Variants in DUSP26 observed in about 807,000 individuals in gnomAD.
The protein encoded by DUSP26 is dual specificity protein phosphatase 26.
A neutral mutation model predicts 20.0 loss-of-function variants in DUSP26; 12 were observed. That is an observed-to-expected ratio of 0.60 (90% CI 0.38 to 0.97). The LOEUF (loss-of-function observed/expected upper bound fraction) is 0.97, where lower values mean the gene tolerates loss of function less well. DUSP26 is among the 50% of genes least tolerant of loss of function. DUSP26 has a pLI of 0.00. For synonymous variants in DUSP26, 120 were observed against 118.8 expected, an observed-to-expected ratio of 1.01 and a Z score of -0.06; for missense variants, 230 against 294.0, an observed-to-expected ratio of 0.78 and a Z score of 1.59.
intron 2 of DUSP26, among the ~76,000 whole-genome samples, chr8:33,595,940 C>CAGGG (rs1554536804): frequency 6.6e-6 from 1 of 152,140 alleles, no homozygotes; most frequent in Non-Finnish European, 1.5e-5. Context: ...GAGAGTGATA[C>CAGGG]CTATCTCACA....
chr8:33,599,475 C>T (rs1209450260), intron 1 of DUSP26, among the ~76,000 whole-genome samples, 190 bp downstream of exon 1: 1 of 152,154 alleles, frequency 6.6e-6, no homozygotes, highest in Non-Finnish European at 1.5e-5. Context: ...ATGGCTGTCG[C>T]CCCAGTCCTC....
chr8:33,595,976 T>A (rs1419919097), intron 2 of DUSP26, among the ~76,000 whole-genome samples: 1 of 152,070 alleles, frequency 6.6e-6, no homozygotes, highest in African/African-American at 2.4e-5. Flanking sequence ...TTAAGAGAGA[T>A]AATGTGTGTG....
intron 3 of DUSP26, among the ~76,000 whole-genome samples, chr8:33,593,331 C>T (rs1811066245): frequency 6.6e-6 from 1 of 152,112 alleles, no homozygotes; most frequent in Non-Finnish European, 1.5e-5. Flanking sequence ...TGTAACTTGC[C>T]ACTCTTAACA....
Position 33,592,011 on chromosome 8 carries a change from C to T in DUSP26, c.*2G>A. The T allele has an allele frequency of 6.2e-7, 1 of 1,613,194 alleles. No individual in the cohort carries two copies. Among genetic ancestry groups the T allele is most frequent in the Non-Finnish European group, 8.5e-7 (1 of 1,180,000 alleles). ...CCTGGCCTGACCTCTCTCCCCCTCCCCTCATGCTTCCAGACCCTGCCGCAG... is the reference window on the plus strand; with the variant it reads ...CCTGGCCTGACCTCTCTCCCCCTCCTCTCATGCTTCCAGACCCTGCCGCAG... On this transcript the variant is annotated 3_prime_UTR_variant, in exon 4 of 4. Coordinates refer to ENST00000256261, the MANE Select transcript of DUSP26 (RefSeq NM_024025.3).
At chr8:33,598,584 C>T (rs112021335) in intron 1 of DUSP26, among the ~76,000 whole-genome samples, 5 of 152,030 alleles carry the variant, frequency 3.3e-5, no homozygotes, top group African/African-American at 1.2e-4. Flanking sequence ...CTTAGAATTA[C>T]CAACCGTATG....
intron 1 of DUSP26, among the ~76,000 whole-genome samples, chr8:33,599,437 C>T (rs1163619475): frequency 6.6e-6 from 1 of 152,206 alleles, no homozygotes; most frequent in African/African-American, 2.4e-5. Flanking sequence ...TCCCTCCCTC[C>T]GCCTGCGGTC....
rs1400045435 is a variant in DUSP26, at chr8:33,597,548, G to A, written c.-33C>T. ...GTGGCAGAAACCGTGGCAGCTGCAGGAGTGGCTGTGGTGATGATGGGTTCA... is the reference window on the plus strand; with the variant it reads ...GTGGCAGAAACCGTGGCAGCTGCAGAAGTGGCTGTGGTGATGATGGGTTCA... On this transcript the variant is annotated 5_prime_UTR_variant, in exon 2 of 4. Transcript: ENST00000256261. 4 of 1,574,026 alleles carry A rather than the reference G, an allele frequency of 2.5e-6. No individual in the cohort carries two copies. In the South Asian group the frequency reaches 3.6e-5, roughly 14 times the overall value.
At chr8:33,597,613 G>A (rs1299074501) in intron 1 of DUSP26, 22 bp from the exon 2 acceptor site, 50 of 1,066,966 alleles carry the variant, frequency 4.7e-5, no homozygotes, top group African/African-American at 6.3e-5. Flanking sequence ...AGGGGTGTGA[G>A]ACACACTTGA....
At chr8:33,595,944 T>A (rs921330723) in intron 2 of DUSP26, among the ~76,000 whole-genome samples, 1 of 152,092 alleles carries the variant, frequency 6.6e-6, no homozygotes, top group African/African-American at 2.4e-5. Context: ...GTGATACCTA[T>A]CTCACAGGGC....
chr8:33,592,016 T>C lies in DUSP26; in HGVS notation c.633A>G (p.Ala211=), dbSNP rs773834151. The C allele has an allele frequency of 2.5e-6, 4 of 1,613,338 alleles. No individual in the cohort carries two copies. The highest frequency in any genetic ancestry group is 2.5e-6 in the Non-Finnish European group (3 of 1,179,978). The change falls in exon 4 of 4, where the codon GCA becomes GCG. Residue 211 remains alanine, a synonymous_variant. Coordinates refer to ENST00000256261, the MANE Select transcript of DUSP26 (RefSeq NM_024025.3). ...CCTGACCTCTCTCCCCCTCCCCTCA[T>C]GCTTCCAGACCCTGCCGCAGCCTGC... ...LDRRLRQGLE[A] is the part of the protein sequence containing the mutation.
chr8:33,592,202 C>T lies in DUSP26; in HGVS notation c.447G>A (p.Leu149=). 6.2e-7 allele frequency: 1 copy of T among 1,608,094 alleles called. No individual in the cohort carries two copies. The change falls in exon 4 of 4, where the codon CTG becomes CTA. Residue 149 remains leucine (L), a synonymous_variant. Coordinates refer to ENST00000256261, the MANE Select transcript of DUSP26 (RefSeq NM_024025.3). ...RALSQPGGKI[L]VHCAVGVSRS... ...GGCTCACGCCCACAGCACAATGCAC[C>T]AGGATCTTCCCTGAGAGGAGAGACA...
At chr8:33,599,262 C>T (rs1165275518) in intron 1 of DUSP26, among the ~76,000 whole-genome samples, 1 of 152,152 alleles carries the variant, frequency 6.6e-6, no homozygotes, top group African/African-American at 2.4e-5. Context: ...CTGCTGTCTA[C>T]GAGATGATGA....
rs540208761 is a variant in DUSP26, at chr8:33,596,063, C to T, written c.221+1232G>A. 7.3e-5 allele frequency among the ~76,000 whole-genome samples: 11 copies of T among 151,720 alleles called. No homozygotes were observed. In the South Asian group the frequency reaches 2.3e-3, roughly 32 times the overall value. ...CTTTGGGAGGCTGAAGCAGGTGGATCACTTGAGGCCAGGAGTTCAAAATCA... is the reference window on the plus strand; with the variant it reads ...CTTTGGGAGGCTGAAGCAGGTGGATTACTTGAGGCCAGGAGTTCAAAATCA... On this transcript the variant is annotated intron_variant, in intron 2 of 3. Transcript: ENST00000256261.
Position 33,591,917 on chromosome 8 carries a change from T to C in DUSP26, c.*96A>G, listed in dbSNP as rs1456667675. 14 of 1,429,392 alleles carry C rather than the reference T, an allele frequency of 9.8e-6. No individual in the cohort carries two copies. The highest frequency in any genetic ancestry group is 1.3e-5 in the Non-Finnish European group (14 of 1,043,894). 88.5% of individuals were successfully genotyped at this position (1,429,392 alleles called of 1,614,324 possible). On this transcript the variant is annotated 3_prime_UTR_variant, in exon 4 of 4. Transcript: ENST00000256261. ...CCTGACCCCAGGGGAGGATGGGTGA[T>C]CTGGGCCTCCTGCTACCTGCCACCT...
At position 33,592,027 on chromosome 8, in the gene DUSP26, C is replaced by G; in HGVS notation, c.622G>C (p.Gly208Arg). ...LLALDRRLRQGLEA is the reference protein window; with the variant it reads ...LLALDRRLRQRLEA ...TCCCCCTCCCCTCATGCTTCCAGACCCTGCCGCAGCCTGCGGTCCAGGGCC... is the reference window on the plus strand; with the variant it reads ...TCCCCCTCCCCTCATGCTTCCAGACGCTGCCGCAGCCTGCGGTCCAGGGCC... Residue 208 changes from glycine to arginine, a missense_variant, in exon 4 of 4, where the codon GGT becomes CGT. Gly to Arg is a moderately radical substitution (Grantham distance 125). Transcript: ENST00000256261. The G allele has an allele frequency of 6.2e-7, 1 of 1,613,720 alleles. No individual in the cohort carries two copies.
At chr8:33,597,882 T>TACATACACAC in intron 1 of DUSP26, 1 of 150,806 alleles carries the variant, frequency 6.6e-6, no homozygotes, top group Middle Eastern at 2.9e-3. Flanking sequence ...CCAGCACGCA[T>TACATACACAC]ACACACACAC....
At chr8:33,593,861 G>A in intron 2 of DUSP26, 114 bp from the exon 3 acceptor site, 1 of 1,229,446 alleles carries the variant, frequency 8.1e-7, no homozygotes, top group Non-Finnish European at 1.1e-6. Flanking sequence ...TTTTGAGATG[G>A]AGTCTCGCTC....
At chr8:33,594,885 G>A (rs1020243569) in intron 2 of DUSP26, among the ~76,000 whole-genome samples, 2 of 151,720 alleles carry the variant, frequency 1.3e-5, no homozygotes, top group Admixed American at 6.6e-5. Flanking sequence ...CACCATGCCC[G>A]GCTAATTTTT....
At chr8:33,594,342 C>A (rs1337652998) in intron 2 of DUSP26, among the ~76,000 whole-genome samples, 1 of 151,746 alleles carries the variant, frequency 6.6e-6, no homozygotes, top group Non-Finnish European at 1.5e-5. Flanking sequence ...CCTGTAATCC[C>A]AGCACTTTGG....
Sources: gnomAD v4.1 joint callset for allele counts (sites outside exome capture counted in the v4.1 genomes callset) on GRCh38, gnomAD v4.1.1 for gene constraint, MANE v1.5 for transcripts, NCBI Gene and HGNC (gene_info 2026-07-23, HGNC 2026-07-21) for gene names.